Variants in ATP10B observed in about 807,000 individuals in gnomAD.
The protein encoded by ATP10B is ATPase phospholipid transporting 10B (putative).
Under a neutral mutation model 141.2 loss-of-function variants are expected in ATP10B, and 122 were observed. The observed-to-expected ratio is 0.86, with a 90% CI of 0.75 to 1.00. The LOEUF (loss-of-function observed/expected upper bound fraction) is 1.00, where lower values mean the gene tolerates loss of function less well. Among genes scored for constraint, ATP10B ranks in the 50% least tolerant of loss-of-function variants. The pLI is 0.00. For synonymous variants in ATP10B, 685 were observed against 692.0 expected (o/e 0.99, Z 0.16); for missense variants, 1,876 against 1,825.3 (o/e 1.03, Z -0.51).
intron 7 of ATP10B, 87 bp downstream of exon 7, chr5:160,670,376 C>T (rs1037747718): frequency 7.5e-7 from 1 of 1,339,052 alleles, no homozygotes; most frequent in South Asian, 1.2e-5. Context: ...TTCCCCTCTA[C>T]CCAGTAGGTT....
chr5:160,623,899 G>A (rs1342331587), intron 13 of ATP10B, among the ~76,000 whole-genome samples: 1 of 152,162 alleles, frequency 6.6e-6, no homozygotes, highest in East Asian at 1.9e-4. Context: ...CTAGAGATAA[G>A]GTAAGAGCCT....
In ATP10B at chr5:160,589,636, G is replaced by A. The variant is rs1756144433; in HGVS notation, c.3706C>T (p.Leu1236Phe). The A allele has an allele frequency of 6.2e-7, 1 of 1,614,098 alleles. No homozygotes were observed. Among genetic ancestry groups the A allele is most frequent in the South Asian group, 1.1e-5 (1 of 91,072 alleles). ...TFGTPINTIS[L>F]TTILLHQAME... is the part of the protein sequence containing the mutation. ...GCCTGGTGCAAAAGGATTGTGGTGAGGGAGATGGTGTTGATTGGTGTCCCA... is the reference window on the plus strand; with the variant it reads ...GCCTGGTGCAAAAGGATTGTGGTGAAGGAGATGGTGTTGATTGGTGTCCCA... The change falls in exon 24 of 26, where the codon CTC becomes TTC. Residue 1236 changes from leucine (L) to phenylalanine (F), a missense_variant. Physicochemically the swap from Leu to Phe is conservative, Grantham distance 22 (BLOSUM62 0). Transcript: ENST00000327245.
At chr5:160,854,694 C>T (rs1047385226), upstream of ATP10B, among the ~76,000 whole-genome samples, 12 of 152,090 alleles carry the variant, frequency 7.9e-5, no homozygotes, top group African/African-American at 2.4e-4. Flanking sequence ...AATGGGATTG[C>T]TGGGTCAAAT....
intron 1 of ATP10B, among the ~76,000 whole-genome samples, chr5:160,797,017 C>T (rs1483192069): frequency 6.6e-6 from 1 of 152,116 alleles, no homozygotes; most frequent in Non-Finnish European, 1.5e-5. Context: ...ACAATCTGTT[C>T]CAGCTGCTTG....
chr5:160,668,265 G>C (rs1762448119), intron 7 of ATP10B, among the ~76,000 whole-genome samples: 1 of 149,342 alleles, frequency 6.7e-6, no homozygotes. Context: ...AGCATAGAAA[G>C]TCTCAGAGTG....
chr5:160,677,936 A>G (rs1763136030), intron 6 of ATP10B, among the ~76,000 whole-genome samples: 1 of 152,222 alleles, frequency 6.6e-6, no homozygotes, highest in East Asian at 1.9e-4. Context: ...CTGTACAAAT[A>G]TGATATTCTA....
At chr5:160,922,641 T>A in the ATP10B span, among the ~76,000 whole-genome samples, 2 of 152,350 alleles carry the variant, frequency 1.3e-5, no homozygotes, top group South Asian at 4.1e-4. Context: ...TTTTTACTCC[T>A]AAGCAAACCA....
the ATP10B span, among the ~76,000 whole-genome samples, chr5:160,919,223 C>CAAAAAAGAAAAA: frequency 3.7e-5 from 1 of 26,964 alleles, no homozygotes; most frequent in Non-Finnish European, 6.2e-5. Flanking sequence ...AACTCCGTCT[C>CAAAAAAGAAAAA]AAAAAAAAAA....
chr5:160,802,971 G>A (rs1302053532), intron 1 of ATP10B, among the ~76,000 whole-genome samples: 1 of 152,158 alleles, frequency 6.6e-6, no homozygotes, highest in African/African-American at 2.4e-5. Flanking sequence ...TCAGCTGCTT[G>A]CTCAGAAGGA....
At chr5:160,832,685 C>T (rs913966234) in intron 1 of ATP10B, among the ~76,000 whole-genome samples, 22 of 151,976 alleles carry the variant, frequency 1.4e-4, no homozygotes, top group African/African-American at 4.6e-4. Flanking sequence ...ATAAGCCACA[C>T]GATTATACTC....
At chr5:160,789,755 T>C (rs1771433890) in intron 1 of ATP10B, among the ~76,000 whole-genome samples, 1 of 152,128 alleles carries the variant, frequency 6.6e-6, no homozygotes, top group Non-Finnish European at 1.5e-5. Context: ...GAATAGATAG[T>C]GGAGGTGAGA....
chr5:160,900,117 G>T, the ATP10B span, among the ~76,000 whole-genome samples: 2 of 152,128 alleles, frequency 1.3e-5, no homozygotes, highest in Non-Finnish European at 2.9e-5. Flanking sequence ...TTCCTGTGCA[G>T]CCATCCCAGT....
At chr5:160,818,449 G>A (rs1028582195) in intron 1 of ATP10B, among the ~76,000 whole-genome samples, 51 of 152,276 alleles carry the variant, frequency 3.3e-4, no homozygotes, top group Non-Finnish European at 1.0e-4. Context: ...ACCACAATGA[G>A]ATACCATCTC....
intron 3 of ATP10B, among the ~76,000 whole-genome samples, chr5:160,701,029 C>T (rs577068419): frequency 7.2e-5 from 11 of 152,184 alleles, no homozygotes; most frequent in Non-Finnish European, 1.5e-4. Context: ...GCTTCACTCT[C>T]CTCTGGACCC....
At chr5:160,823,170 A>G (rs1436755528) in intron 1 of ATP10B, among the ~76,000 whole-genome samples, 1 of 151,706 alleles carries the variant, frequency 6.6e-6, no homozygotes, top group South Asian at 2.1e-4. Flanking sequence ...CTGGATAAAT[A>G]AAATGTGGTA....
chr5:160,705,842 T>C (rs1303853826), intron 3 of ATP10B, among the ~76,000 whole-genome samples: 15 of 152,256 alleles, frequency 9.9e-5, no homozygotes, highest in Admixed American at 6.5e-5. Flanking sequence ...GATTTCAGCC[T>C]GTCTTGGCTT....
In ATP10B at chr5:160,565,564, C is replaced by T. The variant is rs753349486; in HGVS notation, c.4275G>A (p.Glu1425=). 5.6e-6 allele frequency: 9 copies of T among 1,614,042 alleles called. No individual in the cohort carries two copies. The highest frequency in any genetic ancestry group is 7.6e-6 in the Non-Finnish European group (9 of 1,179,984). ...TTATCCTGTTAGGTCCCAGCAGGTG[C>T]TCCCCGGATGAGAGTTGAGCTGAGG... ...GDSSAQLSSG[E]HLLGPNRIMA... The change falls in exon 26 of 26, where the codon GAG becomes GAA. Residue 1425 remains glutamate, a synonymous_variant. Coordinates refer to ENST00000327245, the MANE Select transcript of ATP10B (RefSeq NM_025153.3).
chr5:160,594,858 A>G (rs1282838714), intron 22 of ATP10B, among the ~76,000 whole-genome samples: 4 of 152,232 alleles, frequency 2.6e-5, no homozygotes, highest in African/African-American at 9.6e-5. Flanking sequence ...CTAAATATAT[A>G]TGCACCCAAT....
chr5:160,894,952 C>G, the ATP10B span, among the ~76,000 whole-genome samples: 1 of 152,126 alleles, frequency 6.6e-6, no homozygotes, highest in African/African-American at 2.4e-5. Flanking sequence ...TCCAGTCAAA[C>G]TAAGCTTCAT....
Sources: gnomAD v4.1 joint callset for allele counts (sites outside exome capture counted in the v4.1 genomes callset) on GRCh38, gnomAD v4.1.1 for gene constraint, MANE v1.5 for transcripts, NCBI Gene and HGNC (gene_info 2026-07-23, HGNC 2026-07-21) for gene names.